Variants in TBC1D22A observed in about 807,000 individuals in gnomAD.
The protein encoded by TBC1D22A is putative GTPase activator.
In TBC1D22A, 38 loss-of-function variants were observed where a neutral mutation model predicts 60.2. The observed-to-expected ratio is 0.63, with a 90% confidence interval of 0.49 to 0.83. The LOEUF is 0.83. Ranked by LOEUF, TBC1D22A falls within the 40% of genes least tolerant of loss-of-function variation. The pLI, the probability that TBC1D22A is intolerant of heterozygous loss-of-function variation, is 0.00. For synonymous variants in TBC1D22A, 302 were observed against 281.7 expected (o/e 1.07, Z -0.72); for missense variants, 628 against 701.0 (o/e 0.90, Z 1.18).
At chr22:47,126,988 A>G (rs1326220290) in intron 12 of TBC1D22A, among the ~76,000 whole-genome samples, 1 of 152,234 alleles carries the variant, frequency 6.6e-6, no homozygotes, top group Non-Finnish European at 1.5e-5. Context: ...ACGCATAGGC[A>G]CGGGTGCACA....
chr22:47,157,719 C>G (rs563226240), intron 12 of TBC1D22A, among the ~76,000 whole-genome samples: 2 of 152,318 alleles, frequency 1.3e-5, no homozygotes, highest in African/African-American at 4.8e-5. Context: ...GGCGGTGTGG[C>G]TCAGCTCCCA....
chr22:46,948,357 T>C (rs578044527), intron 8 of TBC1D22A, among the ~76,000 whole-genome samples: 3 of 152,350 alleles, frequency 2.0e-5, no homozygotes, highest in Admixed American at 6.5e-5. Flanking sequence ...TCTTGACTGC[T>C]CACCATTTAA....
intron 4 of TBC1D22A, among the ~76,000 whole-genome samples, chr22:46,799,226 C>G (rs2084793561): frequency 6.6e-6 from 1 of 152,128 alleles, no homozygotes. Context: ...TTCAAACTTG[C>G]AGAACAGTTG....
At chr22:46,878,507 C>G in intron 4 of TBC1D22A, 146 bp from the exon 5 acceptor site, 1 of 684,996 alleles carries the variant, frequency 1.5e-6, no homozygotes. Flanking sequence ...TGAAATCAAT[C>G]GTATCTGAAA....
intron 9 of TBC1D22A, among the ~76,000 whole-genome samples, chr22:46,980,249 A>G (rs1489496989): frequency 2.0e-5 from 3 of 152,172 alleles, no homozygotes; most frequent in Non-Finnish European, 1.5e-5. Context: ...GTGGTGTGAT[A>G]CTGGCTCACT....
Position 46,793,772 on chromosome 22 carries a change from C to T in TBC1D22A, c.391C>T (p.Pro131Ser). The change falls in exon 3 of 13, where the codon CCC becomes TCC. Residue 131 changes from proline (P) to serine (S), a missense_variant. By Grantham distance (74) the Pro-to-Ser change is moderately conservative. Coordinates refer to ENST00000337137, the MANE Select transcript of TBC1D22A (RefSeq NM_014346.5). ...GAAGCCCAGGCCCGAGGCAGAGCCG[C>T]CCTCACCCCCCAGCGGCGACCTCCG... Reference protein sequence around the residue: ...QQKPRPEAEPPSPPSGDLRLV... With the variant: ...QQKPRPEAEPSSPPSGDLRLV... The T allele has an allele frequency of 6.2e-7, 1 of 1,603,934 alleles. No individual in the cohort carries two copies. The highest frequency in any genetic ancestry group is 8.5e-7 in the Non-Finnish European group (1 of 1,176,046).
chr22:46,928,469 T>G (rs2071172492), intron 8 of TBC1D22A, among the ~76,000 whole-genome samples: 1 of 152,226 alleles, frequency 6.6e-6, no homozygotes, highest in Admixed American at 6.5e-5. Context: ...CATAAAACTC[T>G]TAAAGGAAAA....
intron 9 of TBC1D22A, 32 bp downstream of exon 9, chr22:46,974,431 C>G (rs772586319): frequency 1.3e-6 from 2 of 1,558,038 alleles, no homozygotes; most frequent in Non-Finnish European, 1.7e-6. Flanking sequence ...ACACAGCCCA[C>G]GCCCACAGCC....
chr22:47,080,871 C>T (rs886271442), intron 11 of TBC1D22A, among the ~76,000 whole-genome samples: 4 of 152,014 alleles, frequency 2.6e-5, no homozygotes, highest in African/African-American at 9.7e-5. Flanking sequence ...GCCTGTAATC[C>T]CAGCACTTTG....
intron 8 of TBC1D22A, among the ~76,000 whole-genome samples, chr22:46,956,366 A>T (rs1247640736): frequency 6.6e-6 from 1 of 152,202 alleles, no homozygotes; most frequent in East Asian, 1.9e-4. Context: ...TGGGCACATC[A>T]CTAGGTCAGG....
At chr22:46,989,306 T>A (rs913776268) in intron 9 of TBC1D22A, among the ~76,000 whole-genome samples, 2 of 152,202 alleles carry the variant, frequency 1.3e-5, no homozygotes, top group Non-Finnish European at 1.5e-5. Flanking sequence ...CACTTTTAAT[T>A]TCCTTCAAGA....
intron 7 of TBC1D22A, among the ~76,000 whole-genome samples, chr22:46,904,101 A>ATCTGTCTGTCTGTCTGTCTG (rs1569199177): frequency 1.2e-4 from 4 of 33,118 alleles, no homozygotes; most frequent in African/African-American, 3.9e-4. Flanking sequence ...AATAAAATCT[A>ATCTGTCTGTCTGTCTGTCTG]TCTATCTATC....
At chr22:46,809,680 C>G (rs1323282928) in intron 4 of TBC1D22A, among the ~76,000 whole-genome samples, 1 of 152,114 alleles carries the variant, frequency 6.6e-6, no homozygotes, top group Non-Finnish European at 1.5e-5. Flanking sequence ...AACACAGTGA[C>G]CTGGGCAGTG....
intron 12 of TBC1D22A, among the ~76,000 whole-genome samples, chr22:47,130,311 C>A (rs114729101): frequency 6.6e-6 from 1 of 152,194 alleles, no homozygotes. Context: ...CCTCAGGACA[C>A]CCCCTCCTGC....
At chr22:47,153,738 C>T (rs528405037) in intron 12 of TBC1D22A, among the ~76,000 whole-genome samples, 1 of 152,070 alleles carries the variant, frequency 6.6e-6, no homozygotes, top group Non-Finnish European at 1.5e-5. Flanking sequence ...GGAGGGGGCA[C>T]AGGGCAAGGT....
At chr22:47,047,166 G>A (rs1478733131) in intron 11 of TBC1D22A, among the ~76,000 whole-genome samples, 2 of 152,110 alleles carry the variant, frequency 1.3e-5, no homozygotes, top group East Asian at 1.9e-4. Flanking sequence ...GAGGGCTCGG[G>A]GACCTTCCCT....
chr22:47,146,024 G>A (rs924516048), intron 12 of TBC1D22A, among the ~76,000 whole-genome samples: 3 of 151,562 alleles, frequency 2.0e-5, no homozygotes, highest in African/African-American at 7.3e-5. Flanking sequence ...GGTTGACCAG[G>A]AGGCCATGGC....
chr22:47,012,321 C>G (rs1285451752), intron 10 of TBC1D22A, among the ~76,000 whole-genome samples: 1 of 152,160 alleles, frequency 6.6e-6, no homozygotes, highest in African/African-American at 2.4e-5. Flanking sequence ...GCTCACATCC[C>G]CCCAGCCCTC....
chr22:46,915,382 T>C (rs1373515861), intron 8 of TBC1D22A: 1 of 456,648 alleles, frequency 2.2e-6, no homozygotes, highest in Non-Finnish European at 4.4e-6. Flanking sequence ...CAAGATTGAC[T>C]GTTCCTTCAG....
Sources: allele counts gnomAD v4.1 joint callset (sites outside exome capture counted in the v4.1 genomes callset), GRCh38; gene constraint gnomAD v4.1.1; transcripts MANE v1.5; gene names NCBI Gene and HGNC (gene_info 2026-07-23, HGNC 2026-07-21).